Variants in CALN1 observed in about 807,000 individuals in gnomAD.
CALN1 encodes calneuron 1, also known as calcium-binding protein 8.
In CALN1, 17 loss-of-function variants were observed where a neutral mutation model predicts 30.6. The observed-to-expected ratio is 0.56, with a 90% CI of 0.38 to 0.83. CALN1 has a LOEUF of 0.83. CALN1 is among the 40% of genes least tolerant of loss of function. The pLI is 0.00. For missense variants in CALN1, 291 were observed against 354.9 expected, an observed-to-expected ratio of 0.82 and a Z score of 1.45; for synonymous variants, 156 against 131.4, an observed-to-expected ratio of 1.19 and a Z score of -1.28.
intron 3 of CALN1, among the ~76,000 whole-genome samples, chr7:72,140,540 A>G (rs951492837): frequency 2.6e-5 from 4 of 152,190 alleles, no homozygotes; most frequent in African/African-American, 9.6e-5. Context: ...TCTCCCTCCT[A>G]TCAAAGGAAG....
At chr7:72,081,509 AAC>A (rs1805143856) in intron 4 of CALN1, among the ~76,000 whole-genome samples, 1 of 149,310 alleles carries the variant, frequency 6.7e-6, no homozygotes, top group South Asian at 2.1e-4. Context: ...TACAGCCTCC[AAC>A]TCCTGGGATC....
At chr7:71,932,395 G>A (rs1042104308) in intron 5 of CALN1, among the ~76,000 whole-genome samples, 28 of 152,008 alleles carry the variant, frequency 1.8e-4, no homozygotes, top group African/African-American at 6.5e-4. Context: ...TTGAACTCCT[G>A]GTCTGAAGTG....
At chr7:72,242,937 T>C (rs1794932699) in intron 3 of CALN1, among the ~76,000 whole-genome samples, 1 of 152,130 alleles carries the variant, frequency 6.6e-6, no homozygotes. Flanking sequence ...TTTTAATTAT[T>C]GCCAGAAAAA....
chr7:72,389,938 A>G (rs1339745025), intron 2 of CALN1, among the ~76,000 whole-genome samples: 1 of 151,236 alleles, frequency 6.6e-6, no homozygotes, highest in African/African-American at 2.4e-5. Flanking sequence ...AAAAAAAAAA[A>G]AGAAGAAAGA....
intron 3 of CALN1, among the ~76,000 whole-genome samples, chr7:72,197,346 C>T (rs371926574): frequency 1.4e-4 from 22 of 152,012 alleles, no homozygotes; most frequent in African/African-American, 4.1e-4. Context: ...GGATTACAGG[C>T]GCACACCACC....
At chr7:72,032,688 A>G (rs1408353577) in intron 4 of CALN1, among the ~76,000 whole-genome samples, 2 of 152,154 alleles carry the variant, frequency 1.3e-5, no homozygotes. Context: ...TTTAATGCAA[A>G]TGGCAATTGT....
At chr7:72,391,715 TTTTG>T (rs375347634) in intron 2 of CALN1, among the ~76,000 whole-genome samples, 61 of 150,552 alleles carry the variant, frequency 4.1e-4, no homozygotes, top group African/African-American at 1.3e-3. Context: ...TTTTTTTGTT[TTTTG>T]TTTTTGTTTT....
At chr7:72,411,278 G>C (rs944188899) in intron 1 of CALN1, among the ~76,000 whole-genome samples, 11 of 152,162 alleles carry the variant, frequency 7.2e-5, no homozygotes, top group Non-Finnish European at 1.3e-4. Flanking sequence ...TTTTTTTCAA[G>C]TTACTTTAGA....
chr7:72,431,423 C>T (rs535054360), intron 1 of CALN1, among the ~76,000 whole-genome samples: 68 of 152,166 alleles, frequency 4.5e-4, no homozygotes, highest in Non-Finnish European at 8.5e-4. Context: ...CATGTGTACA[C>T]CCACATGCAC....
intron 5 of CALN1, among the ~76,000 whole-genome samples, chr7:72,006,171 T>C (rs145175063): frequency 2.2e-4 from 33 of 152,244 alleles, no homozygotes; most frequent in African/African-American, 7.2e-4. Flanking sequence ...TTAACAGACA[T>C]TGGGAAGTAA....
intron 2 of CALN1, among the ~76,000 whole-genome samples, chr7:72,363,923 A>C (rs1018615475): frequency 1.3e-5 from 2 of 151,622 alleles, no homozygotes; most frequent in Admixed American, 6.6e-5. Flanking sequence ...TCAGTAGAGA[A>C]GGGTTTTCAC....
chr7:71,999,165 C>T (rs1247919362), intron 5 of CALN1, among the ~76,000 whole-genome samples: 5 of 152,142 alleles, frequency 3.3e-5, no homozygotes, highest in African/African-American at 1.2e-4. Context: ...TTTTAAGAAG[C>T]AGCAGTGGCT....
chr7:72,500,934 A>G, the CALN1 span, among the ~76,000 whole-genome samples: 1 of 152,108 alleles, frequency 6.6e-6, no homozygotes. Context: ...CAGTACCTAA[A>G]TTGTTGAATT....
intron 5 of CALN1, among the ~76,000 whole-genome samples, chr7:71,849,959 T>C (rs1175941236): frequency 3.9e-5 from 6 of 152,176 alleles, no homozygotes; most frequent in Admixed American, 1.3e-4. Context: ...AAAGGTGATA[T>C]GACAATGTCT....
rs1363059553 is a variant in CALN1, at chr7:71,783,218, CAG to C, written c.*4555_*4556del. 2.0e-5 allele frequency: 3 copies of C among 152,228 alleles called. No homozygotes were observed. The highest frequency in any genetic ancestry group is 4.8e-5 in the African/African-American group (2 of 41,554). 9.4% of individuals were successfully genotyped at this position (152,228 alleles called of 1,614,324 possible). On this transcript the variant is annotated 3_prime_UTR_variant, in exon 7 of 7. Transcript: ENST00000395275. ...TGTTCTGATTTGAGGTCTTTTAAGA[CAG>C]ATGTTCTTCAGGGGTTGCAGCTCTG...
chr7:72,395,984 A>C (rs1372616388), intron 2 of CALN1, among the ~76,000 whole-genome samples: 1 of 152,032 alleles, frequency 6.6e-6, no homozygotes, highest in Non-Finnish European at 1.5e-5. Flanking sequence ...CGTTGAGCTA[A>C]ATTTTGAACT....
intron 2 of CALN1, among the ~76,000 whole-genome samples, chr7:72,326,679 A>G (rs1801300337): frequency 6.6e-6 from 1 of 152,254 alleles, no homozygotes; most frequent in South Asian, 2.1e-4. Flanking sequence ...TACAATTTGC[A>G]GAATGAATGA....
intron 5 of CALN1, among the ~76,000 whole-genome samples, chr7:71,848,880 T>C (rs908032401): frequency 1.1e-4 from 16 of 152,154 alleles, no homozygotes; most frequent in African/African-American, 2.4e-4. Context: ...GTTGTTCACC[T>C]TTACTTTTTA....
At chr7:72,240,908 C>G (rs1302284778) in intron 3 of CALN1, among the ~76,000 whole-genome samples, 1 of 152,146 alleles carries the variant, frequency 6.6e-6, no homozygotes, top group Non-Finnish European at 1.5e-5. Context: ...TTACACTGGA[C>G]AAATATTTGG....
Sources: gnomAD v4.1 joint callset for allele counts (sites outside exome capture counted in the v4.1 genomes callset) on GRCh38, gnomAD v4.1.1 for gene constraint, MANE v1.5 for transcripts, NCBI Gene and HGNC (gene_info 2026-07-23, HGNC 2026-07-21) for gene names.